Variants in NFATC1 observed in about 807,000 individuals in gnomAD.
NFATC1 encodes the protein nuclear factor of activated T-cells, cytoplasmic 1.
A neutral mutation model predicts 76.0 loss-of-function variants in NFATC1; 22 were observed. The observed-to-expected ratio is 0.29, with a 90% CI of 0.21 to 0.41. The LOEUF is 0.41. Ranked by LOEUF, NFATC1 falls within the 10% of genes least tolerant of loss-of-function variation. The probability of loss-of-function intolerance (pLI) is 1.00; values close to 1 mark genes in which losing one functional copy is unlikely to be tolerated. For synonymous variants in NFATC1, 704 were observed against 613.1 expected, an observed-to-expected ratio of 1.15 and a Z score of -2.19; for missense variants, 1,357 against 1,337.7, an observed-to-expected ratio of 1.01 and a Z score of -0.23.
intron 3 of NFATC1, among the ~76,000 whole-genome samples, chr18:79,441,951 T>G (rs898704097): frequency 1.3e-5 from 2 of 152,158 alleles, no homozygotes; most frequent in Non-Finnish European, 2.9e-5. Context: ...TGGCCGTCTC[T>G]TCTCTGGGCG....
At chr18:79,469,449 A>G (rs1375169894) in intron 8 of NFATC1, 3 of 985,242 alleles carry the variant, frequency 3.0e-6, no homozygotes, top group East Asian at 2.3e-4. Flanking sequence ...GGCCCCCAGG[A>G]CCGTGGCCAC....
Position 79,486,323 on chromosome 18 carries a change from G to T in NFATC1, c.2168G>T (p.Ser723Ile). ...PTCGPVSQGLSPLPRPYYSQQ... is the reference protein window; with the variant it reads ...PTCGPVSQGLIPLPRPYYSQQ... The stretch of plus-strand genomic sequence containing the variant: ...TGTGGACCGGTGAGCCAGGGGTTAA[G>T]TCCTCTCCCAAGACCATACTACAGC... The change falls in exon 9 of 10, where the codon AGT (serine) becomes ATT (isoleucine). Residue 723 changes from serine (S) to isoleucine (I), a missense_variant. Ser to Ile is a moderately radical substitution (Grantham distance 142). Transcript: ENST00000427363. 6.2e-7 allele frequency: 1 copy of T among 1,613,158 alleles called. No homozygotes were observed. The highest frequency in any genetic ancestry group is 8.5e-7 in the Non-Finnish European group (1 of 1,180,000).
At chr18:79,456,880 G>A (rs1439324998) in intron 6 of NFATC1, among the ~76,000 whole-genome samples, 1 of 152,218 alleles carries the variant, frequency 6.6e-6, no homozygotes, top group Non-Finnish European at 1.5e-5. Context: ...CAGCTCCAGC[G>A]TCCGCGGCAC....
intron 9 of NFATC1, among the ~76,000 whole-genome samples, chr18:79,521,412 G>T (rs1356551885): frequency 1.3e-4 from 15 of 112,016 alleles, no homozygotes; most frequent in African/African-American, 3.6e-4. Context: ...TGTGTGTGTG[G>T]GGGGCATCCA....
intron 9 of NFATC1, among the ~76,000 whole-genome samples, chr18:79,511,328 C>T (rs907386065): frequency 1.6e-4 from 24 of 152,190 alleles, no homozygotes; most frequent in Admixed American, 1.5e-3. Flanking sequence ...GCTGCTTCCG[C>T]GTTGGGAGTT....
At chr18:79,476,867 G>A (rs954724919) in intron 8 of NFATC1, among the ~76,000 whole-genome samples, 5 of 152,230 alleles carry the variant, frequency 3.3e-5, no homozygotes, top group South Asian at 2.1e-4. Context: ...TCACGTGGTC[G>A]TGACTCCGGA....
chr18:79,516,267 G>A lies in NFATC1; in HGVS notation c.2783-11261G>A, dbSNP rs148900031. ...TGTCAGGCCGTCCCTCCGTTGTCCC[G>A]TCCTCTCCTTCCAAAAATAGCAGGC... is the stretch of plus-strand genomic sequence containing the variant. On this transcript the variant is annotated intron_variant, in intron 9 of 9. Transcript: ENST00000427363. Among the ~76,000 whole-genome samples the A allele has an allele frequency of 3.0e-3, 451 of 152,222 alleles. 2 individuals carry two copies. The highest frequency in any genetic ancestry group is 0.01 in the African/African-American group (419 of 41,496).
chr18:79,406,070 G>A (rs960856065), intron 1 of NFATC1, among the ~76,000 whole-genome samples: 2 of 152,208 alleles, frequency 1.3e-5, no homozygotes, highest in Non-Finnish European at 2.9e-5. Flanking sequence ...ACCCCGTGTG[G>A]CGCAGCTCTG....
intron 9 of NFATC1, among the ~76,000 whole-genome samples, chr18:79,506,800 G>A (rs1000772436): frequency 6.6e-6 from 1 of 152,180 alleles, no homozygotes; most frequent in African/African-American, 2.4e-5. Flanking sequence ...GCTTCTGGGT[G>A]GTTCTGTGTT....
At position 79,528,250 on chromosome 18, in the gene NFATC1, G is replaced by A. The variant is rs1489210647; in HGVS notation, c.*673G>A. The stretch of plus-strand genomic sequence containing the variant: ...ACCGTAGGCTTGTTCATAGTCGCAT[G>A]CTCGCATCTTTGTTTTTAATCTGGC... On this transcript the variant is annotated 3_prime_UTR_variant, in exon 10 of 10. Coordinates refer to ENST00000427363, the MANE Select transcript of NFATC1 (RefSeq NM_001278669.2). 3.6e-6 allele frequency: 1 copy of A among 274,266 alleles called. No individual in the cohort carries two copies. Among genetic ancestry groups the A allele is most frequent in the Non-Finnish European group, 6.8e-6 (1 of 147,736 alleles). 17.0% of individuals were successfully genotyped at this position (274,266 alleles called of 1,614,324 possible). A position where few individuals can be genotyped will look rare whatever the true frequency, so the allele number is the denominator to read the frequency against.
At chr18:79,506,534 A>C (rs898268563) in intron 9 of NFATC1, among the ~76,000 whole-genome samples, 2 of 152,188 alleles carry the variant, frequency 1.3e-5, no homozygotes, top group Admixed American at 6.5e-5. Context: ...AACGTGGTTC[A>C]TTGGCCTCTG....
chr18:79,520,874 A>G (rs1384336153), intron 9 of NFATC1, among the ~76,000 whole-genome samples: 2 of 75,334 alleles, frequency 2.7e-5, no homozygotes, highest in South Asian at 5.5e-4. Flanking sequence ...GGGGGCATCC[A>G]CTGGTGTGTG....
At chr18:79,496,229 T>A (rs916813071) in intron 9 of NFATC1, 1 of 152,672 alleles carries the variant, frequency 6.5e-6, no homozygotes, top group African/African-American at 2.4e-5. Flanking sequence ...CTCTTCCTAA[T>A]GTGTAGACAT....
intron 8 of NFATC1, among the ~76,000 whole-genome samples, chr18:79,481,363 C>T (rs926280386): frequency 3.9e-5 from 6 of 152,330 alleles, no homozygotes; most frequent in African/African-American, 9.6e-5. Context: ...CCACGGACAC[C>T]GCCTCCTGCC....
intron 5 of NFATC1, 44 bp downstream of exon 5, chr18:79,451,170 T>A (rs1222123251): frequency 1.3e-6 from 2 of 1,577,744 alleles, no homozygotes; most frequent in African/African-American, 2.7e-5. Flanking sequence ...AACCGTCCCG[T>A]CACATGCGCT....
At chr18:79,482,264 G>A (rs1242918443) in intron 8 of NFATC1, among the ~76,000 whole-genome samples, 1 of 140,706 alleles carries the variant, frequency 7.1e-6, no homozygotes, top group Non-Finnish European at 1.5e-5. Flanking sequence ...CTCGTTCCTG[G>A]GGTGTAATTC....
At chr18:79,413,944 T>C (rs896011) in intron 2 of NFATC1, among the ~76,000 whole-genome samples, 62,204 of 152,062 alleles carry the variant, frequency 0.41, 14,417 homozygotes, top group African/African-American at 0.64. Context: ...GTGTGATGCC[T>C]GTAACATTTC....
intron 3 of NFATC1, among the ~76,000 whole-genome samples, chr18:79,436,740 C>T (rs1386324603): frequency 2.6e-5 from 4 of 151,734 alleles, no homozygotes; most frequent in Admixed American, 1.3e-4. Context: ...TGAGGGGGTC[C>T]GGCATCCGGG....
intron 2 of NFATC1, among the ~76,000 whole-genome samples, chr18:79,411,704 G>A (rs1237843357): frequency 2.0e-5 from 3 of 152,286 alleles, no homozygotes; most frequent in African/African-American, 7.2e-5. Flanking sequence ...TTTTCCTTGT[G>A]CGCCTCGCCT....
Sources: allele counts gnomAD v4.1 joint callset (sites outside exome capture counted in the v4.1 genomes callset), GRCh38; gene constraint gnomAD v4.1.1; transcripts MANE v1.5; gene names NCBI Gene and HGNC (gene_info 2026-07-23, HGNC 2026-07-21).